Variants in DPP4 observed in about 807,000 individuals in gnomAD.
The protein encoded by DPP4 is dipeptidyl peptidase 4, also known as ADCP-2.
DPP4 carries 93 observed loss-of-function variants against 122.4 expected under a neutral mutation model. The observed-to-expected ratio is 0.76, with a 90% CI of 0.64 to 0.90. DPP4 has a LOEUF of 0.90. Ranked by LOEUF, DPP4 falls within the 40% of genes least tolerant of loss-of-function variation. DPP4 has a pLI of 0.00. For synonymous variants in DPP4, 321 were observed against 302.9 expected (o/e 1.06, Z -0.62); for missense variants, 914 against 907.3 (o/e 1.01, Z -0.09).
chr2:162,046,629 T>A, intron 4 of DPP4: 1 of 507,420 alleles, frequency 2.0e-6, no homozygotes, highest in Non-Finnish European at 3.8e-6. Flanking sequence ...TGGGGTTGCA[T>A]GAAATTCACC....
intron 2 of DPP4, among the ~76,000 whole-genome samples, chr2:162,063,970 C>T (rs1019345577): frequency 6.6e-6 from 1 of 152,066 alleles, no homozygotes. Context: ...AGGGATGGGA[C>T]CCAGGGCACA....
At chr2:162,011,665 G>A (rs947891715) in intron 20 of DPP4, 128 bp downstream of exon 20, 33 of 884,956 alleles carry the variant, frequency 3.7e-5, no homozygotes, top group Admixed American at 1.1e-4. Flanking sequence ...AAAACCTACC[G>A]TAAGGATAAA....
chr2:162,066,467 G>A (rs1435900807), intron 2 of DPP4, among the ~76,000 whole-genome samples: 1 of 152,100 alleles, frequency 6.6e-6, no homozygotes, highest in Non-Finnish European at 1.5e-5. Flanking sequence ...TCCTTTCTGT[G>A]TCTGCCGGTC....
intron 16 of DPP4, 89 bp downstream of exon 16, chr2:162,018,640 A>T: frequency 6.7e-7 from 1 of 1,494,738 alleles, no homozygotes; most frequent in Non-Finnish European, 9.0e-7. Context: ...TGATTTCAAG[A>T]GCTCCTCAGA....
At chr2:162,071,179 T>G (rs906090734) in intron 2 of DPP4, among the ~76,000 whole-genome samples, 4 of 152,186 alleles carry the variant, frequency 2.6e-5, no homozygotes, top group Non-Finnish European at 5.9e-5. Context: ...CAAACTCTTT[T>G]GCCTGTTTCC....
chr2:162,025,823 T>C (rs1221183623), intron 10 of DPP4, among the ~76,000 whole-genome samples: 1 of 152,038 alleles, frequency 6.6e-6, no homozygotes, highest in African/African-American at 2.4e-5. Flanking sequence ...TCCAAATGAG[T>C]GTGTTCATCT....
intron 2 of DPP4, among the ~76,000 whole-genome samples, chr2:162,060,405 G>C (rs1684720522): frequency 6.6e-6 from 1 of 152,096 alleles, no homozygotes; most frequent in Non-Finnish European, 1.5e-5. Context: ...TCCTAGAAAG[G>C]AAGTTTTACC....
rs767562510 is a variant in DPP4, at chr2:162,014,406, G to A, written c.1627C>T (p.Leu543=). The A allele has an allele frequency of 6.2e-6, 10 of 1,606,696 alleles. No homozygotes were observed. Among genetic ancestry groups the A allele is most frequent in the Non-Finnish European group, 8.5e-6 (10 of 1,175,376 alleles). Residue 543 remains leucine, a synonymous_variant, in exon 19 of 26, where the codon CTA becomes TTA. Transcript: ENST00000360534. ...HFDKSKKYPL[L]LDVYAGPCSQ... The stretch of plus-strand genomic sequence containing the variant: ...CTCTTGAATACTTACACATCTAATA[G>A]TAGAGGATATTTCTTGGATTTATCA...
At chr2:162,033,493 A>G in intron 10 of DPP4, 48 bp downstream of exon 10, 3 of 1,468,882 alleles carry the variant, frequency 2.0e-6, no homozygotes, top group Non-Finnish European at 2.8e-6. Flanking sequence ...TTCTCCCTAG[A>G]AAGTGTAAAA....
intron 12 of DPP4, 36 bp from the exon 13 acceptor site, chr2:162,020,724 A>C (rs1006081650): frequency 6.7e-7 from 1 of 1,500,400 alleles, no homozygotes; most frequent in African/African-American, 1.4e-5. Context: ...ACATTAAAGC[A>C]CAGTGTCTCA....
chr2:162,070,292 G>A (rs1559729088), intron 2 of DPP4, among the ~76,000 whole-genome samples: 1 of 151,968 alleles, frequency 6.6e-6, no homozygotes, highest in Non-Finnish European at 1.5e-5. Context: ...TTAAATATAT[G>A]ACAATAGTAT....
chr2:162,050,113 A>T (rs909562181), intron 2 of DPP4, among the ~76,000 whole-genome samples: 1 of 152,208 alleles, frequency 6.6e-6, no homozygotes, highest in Non-Finnish European at 1.5e-5. Flanking sequence ...ACTCATATTG[A>T]GAATAGTAAC....
chr2:162,045,667 C>A, intron 4 of DPP4, 55 bp from the exon 5 acceptor site: 1 of 1,298,272 alleles, frequency 7.7e-7, no homozygotes. Flanking sequence ...ATTGCCATCA[C>A]TGTGCACTTA....
intron 18 of DPP4, among the ~76,000 whole-genome samples, chr2:162,015,895 C>A (rs1281576566): frequency 1.3e-5 from 2 of 152,146 alleles, no homozygotes; most frequent in Non-Finnish European, 2.9e-5. Context: ...GGGTAAGCAG[C>A]ACTAGCATCA....
intron 5 of DPP4, among the ~76,000 whole-genome samples, chr2:162,040,336 A>G (rs539986256): frequency 6.6e-6 from 1 of 152,238 alleles, no homozygotes; most frequent in African/African-American, 2.4e-5. Context: ...GTGGATAAAC[A>G]AACTGTAGTA....
chr2:162,002,476 G>A (rs1701174937), intron 23 of DPP4, among the ~76,000 whole-genome samples: 1 of 152,188 alleles, frequency 6.6e-6, no homozygotes. Context: ...GGCCTTACTT[G>A]TTACACACTT....
chr2:161,995,477 G>T, intron 23 of DPP4, 105 bp from the exon 24 acceptor site: 1 of 965,732 alleles, frequency 1.0e-6, no homozygotes, highest in Non-Finnish European at 1.6e-6. Context: ...GGCCCCCTTT[G>T]ATACAAAATA....
intron 2 of DPP4, among the ~76,000 whole-genome samples, chr2:162,054,515 C>T (rs993157412): frequency 2.6e-5 from 4 of 152,104 alleles, no homozygotes; most frequent in Non-Finnish European, 5.9e-5. Flanking sequence ...AAATTAATGT[C>T]TTGAAACTAA....
chr2:162,071,099 TC>T (rs1415268084), intron 2 of DPP4, among the ~76,000 whole-genome samples: 3 of 152,158 alleles, frequency 2.0e-5, no homozygotes, highest in African/African-American at 7.2e-5. Context: ...CAACTCACCT[TC>T]CCACTGTCAT....
Sources: allele counts gnomAD v4.1 joint callset (sites outside exome capture counted in the v4.1 genomes callset), GRCh38; gene constraint gnomAD v4.1.1; transcripts MANE v1.5; gene names NCBI Gene and HGNC (gene_info 2026-07-23, HGNC 2026-07-21).